LRMDA: variants seen among roughly 807,000 people sequenced by gnomAD.
LRMDA encodes leucine-rich melanocyte differentiation-associated protein.
In LRMDA, 18 loss-of-function variants were observed where a neutral mutation model predicts 29.8. The ratio of observed to expected loss-of-function variants is 0.60; its 90% CI spans 0.42 to 0.90. LRMDA has a LOEUF of 0.90. LRMDA is among the 40% of genes least tolerant of loss of function. The pLI is 0.00. For missense variants in LRMDA, 273 were observed against 273.9 expected, an observed-to-expected ratio of 1.00 and a Z score of 0.02; for synonymous variants, 125 against 109.4, an observed-to-expected ratio of 1.14 and a Z score of -0.89.
At chr10:75,761,330 A>G (rs1007883303) in intron 2 of LRMDA, among the ~76,000 whole-genome samples, 1 of 152,244 alleles carries the variant, frequency 6.6e-6, no homozygotes, top group African/African-American at 2.4e-5. Flanking sequence ...GCCTATATTT[A>G]CAATGTAATA....
intron 6 of LRMDA, among the ~76,000 whole-genome samples, chr10:76,401,914 A>G (rs1841852933): frequency 6.6e-6 from 1 of 152,122 alleles, no homozygotes; most frequent in Non-Finnish European, 1.5e-5. Flanking sequence ...TATAGTGGGA[A>G]ACCAAAGGGG....
intron 5 of LRMDA, among the ~76,000 whole-genome samples, chr10:76,300,713 A>G (rs548179458): frequency 1.3e-5 from 2 of 152,198 alleles, no homozygotes; most frequent in African/African-American, 2.4e-5. Context: ...TCCTCCTACA[A>G]CAGTGTAAGT....
chr10:75,669,681 A>G (rs557663351), intron 2 of LRMDA, among the ~76,000 whole-genome samples: 1 of 152,364 alleles, frequency 6.6e-6, no homozygotes, highest in East Asian at 1.9e-4. Flanking sequence ...AAGCATTGCT[A>G]TCTCTTAAAC....
intron 3 of LRMDA, among the ~76,000 whole-genome samples, chr10:76,037,202 T>C (rs1275093900): frequency 6.6e-6 from 1 of 152,252 alleles, no homozygotes; most frequent in Non-Finnish European, 1.5e-5. Flanking sequence ...CAGTGTCAAC[T>C]GTGTTGTGTC....
intron 5 of LRMDA, among the ~76,000 whole-genome samples, chr10:76,310,723 G>A (rs142008650): frequency 6.6e-6 from 1 of 152,180 alleles, no homozygotes; most frequent in African/African-American, 2.4e-5. Context: ...CATATTTTTG[G>A]TTAAAAGGGA....
intron 5 of LRMDA, among the ~76,000 whole-genome samples, chr10:76,186,277 G>A (rs1851148083): frequency 6.6e-6 from 1 of 152,182 alleles, no homozygotes; most frequent in Non-Finnish European, 1.5e-5. Context: ...CAAGAAACTG[G>A]CAGATTAGCC....
intron 2 of LRMDA, among the ~76,000 whole-genome samples, chr10:75,445,806 C>T (rs375680309): frequency 6.6e-5 from 10 of 152,278 alleles, no homozygotes; most frequent in African/African-American, 1.9e-4. Flanking sequence ...GCAATAAAAG[C>T]GAGAGGGTTT....
rs1845556494 is a variant in LRMDA, at chr10:75,894,844, C to CTG, written c.132-141164_132-141163insTG. Among the ~76,000 whole-genome samples the CTG allele has an allele frequency of 3.3e-5, 5 of 152,310 alleles. No homozygotes were observed. In the South Asian group the frequency reaches 1.0e-3, roughly 32 times the overall value. On this transcript the variant is annotated intron_variant, in intron 2 of 6. Transcript: ENST00000611255. Reference sequence around the variant, plus strand: ...AAAGAAAAAACAACTTTTAGATCATCAGTAAACAACTGAGTGTGCTAAGTA... The same window carrying CTG: ...AAAGAAAAAACAACTTTTAGATCATCTGAGTAAACAACTGAGTGTGCTAAGTA...
At chr10:75,591,176 C>T (rs1348004415) in intron 2 of LRMDA, among the ~76,000 whole-genome samples, 3 of 152,100 alleles carry the variant, frequency 2.0e-5, no homozygotes, top group Non-Finnish European at 4.4e-5. Flanking sequence ...CTGGGCAACA[C>T]AGTGAGACAT....
chr10:75,471,717 T>C (rs7898395), intron 2 of LRMDA, among the ~76,000 whole-genome samples: 71,030 of 152,124 alleles, frequency 0.47, 18,936 homozygotes, highest in African/African-American at 0.74. Context: ...CTGACGTACT[T>C]TAATGTAAAC....
At chr10:75,578,326 A>G (rs1052147304) in intron 2 of LRMDA, among the ~76,000 whole-genome samples, 3 of 151,922 alleles carry the variant, frequency 2.0e-5, no homozygotes, top group African/African-American at 7.2e-5. Flanking sequence ...ATAATGCTAA[A>G]GGGATCAATG....
chr10:76,037,001 A>C (rs1848260050), intron 3 of LRMDA, among the ~76,000 whole-genome samples: 1 of 152,212 alleles, frequency 6.6e-6, no homozygotes, highest in Non-Finnish European at 1.5e-5. Context: ...TGAATGCATC[A>C]TTATCATTAG....
At chr10:75,996,242 C>T (rs76820668) in intron 2 of LRMDA, among the ~76,000 whole-genome samples, 4,630 of 152,216 alleles carry the variant, frequency 0.03, 81 homozygotes, top group Middle Eastern at 0.051. Context: ...AACTCTTCTT[C>T]GGCATCCCTG....
intron 4 of LRMDA, among the ~76,000 whole-genome samples, chr10:76,054,135 C>T (rs895984355): frequency 4.6e-5 from 7 of 152,148 alleles, no homozygotes; most frequent in East Asian, 1.9e-4. Context: ...TATTGTTGAA[C>T]GAGTGAATGT....
At chr10:76,114,599 T>C (rs1466742844) in intron 5 of LRMDA, among the ~76,000 whole-genome samples, 1 of 152,158 alleles carries the variant, frequency 6.6e-6, no homozygotes, top group African/African-American at 2.4e-5. Flanking sequence ...CAGGTATTGA[T>C]AGGTCGAGTT....
intron 2 of LRMDA, among the ~76,000 whole-genome samples, chr10:75,932,405 G>C (rs1423418344): frequency 6.6e-6 from 1 of 152,156 alleles, no homozygotes; most frequent in Non-Finnish European, 1.5e-5. Context: ...CTGAGGCCAG[G>C]AGTTCAAGAC....
intron 5 of LRMDA, among the ~76,000 whole-genome samples, chr10:76,297,294 C>T (rs1472931851): frequency 6.6e-6 from 1 of 152,136 alleles, no homozygotes; most frequent in African/African-American, 2.4e-5. Context: ...ATGGCTTGGG[C>T]AGCCCCACTC....
At chr10:75,963,679 T>G (rs1467940624) in intron 2 of LRMDA, among the ~76,000 whole-genome samples, 1 of 152,192 alleles carries the variant, frequency 6.6e-6, no homozygotes, top group Non-Finnish European at 1.5e-5. Flanking sequence ...CAATCTGAGT[T>G]GTGAGGTGGA....
chr10:75,970,302 GAA>G (rs1846944033), intron 2 of LRMDA, among the ~76,000 whole-genome samples: 1 of 152,216 alleles, frequency 6.6e-6, no homozygotes, highest in Admixed American at 6.5e-5. Context: ...ACCCATAAAA[GAA>G]AGAGATGAAA....
Sources: gnomAD v4.1 joint callset for allele counts (sites outside exome capture counted in the v4.1 genomes callset) on GRCh38, gnomAD v4.1.1 for gene constraint, MANE v1.5 for transcripts, NCBI Gene and HGNC (gene_info 2026-07-23, HGNC 2026-07-21) for gene names.